Variants in ARHGAP24 observed in about 807,000 individuals in gnomAD.
ARHGAP24 encodes rho GTPase-activating protein 24.
A neutral mutation model predicts 76.4 loss-of-function variants in ARHGAP24; 50 were observed. The observed-to-expected ratio is 0.65, with a 90% confidence interval of 0.52 to 0.83. ARHGAP24 has a LOEUF of 0.83. Among genes scored for constraint, ARHGAP24 ranks in the 40% least tolerant of loss-of-function variants. The pLI is 0.00. For missense variants in ARHGAP24, 930 were observed against 914.2 expected, an observed-to-expected ratio of 1.02 and a Z score of -0.22; for synonymous variants, 345 against 323.3, an observed-to-expected ratio of 1.07 and a Z score of -0.72.
chr4:85,554,468 A>G (rs1230851757), intron 1 of ARHGAP24, among the ~76,000 whole-genome samples: 3 of 152,128 alleles, frequency 2.0e-5, no homozygotes, highest in Admixed American at 6.5e-5. Context: ...GTCTCTTTAC[A>G]TAATCCCATA....
chr4:85,813,834 A>G (rs1314300832), intron 3 of ARHGAP24, among the ~76,000 whole-genome samples: 1 of 146,024 alleles, frequency 6.8e-6, no homozygotes, highest in Admixed American at 6.9e-5. Context: ...ATATATATAT[A>G]TATATATATT....
At chr4:85,731,027 C>A (rs77084848) in intron 3 of ARHGAP24, among the ~76,000 whole-genome samples, 1 of 80,544 alleles carries the variant, frequency 1.2e-5, no homozygotes, top group Non-Finnish European at 2.4e-5. Flanking sequence ...CACACACACA[C>A]AGAGAGAGAG....
chr4:85,863,765 C>T (rs376591633), intron 3 of ARHGAP24, among the ~76,000 whole-genome samples: 4 of 152,152 alleles, frequency 2.6e-5, no homozygotes, highest in East Asian at 3.9e-4. Flanking sequence ...ATAAACCCGG[C>T]GTTTGTTGTC....
intron 2 of ARHGAP24, among the ~76,000 whole-genome samples, chr4:85,697,458 G>A (rs767836548): frequency 6.6e-6 from 1 of 152,094 alleles, no homozygotes; most frequent in Non-Finnish European, 1.5e-5. Context: ...TAACAAACCT[G>A]CACGTTGTGC....
chr4:85,978,180 T>C (rs925935745), intron 8 of ARHGAP24, among the ~76,000 whole-genome samples: 7 of 152,244 alleles, frequency 4.6e-5, no homozygotes, highest in Non-Finnish European at 1.0e-4. Context: ...TCAATTATTT[T>C]CCACAATGAA....
chr4:85,859,526 T>C (rs1354698141), intron 3 of ARHGAP24, among the ~76,000 whole-genome samples: 5 of 152,162 alleles, frequency 3.3e-5, no homozygotes, highest in African/African-American at 7.2e-5. Flanking sequence ...CAATGAACTT[T>C]GCAGACAACT....
At chr4:85,587,496 G>A (rs548792071) in intron 2 of ARHGAP24, among the ~76,000 whole-genome samples, 6 of 152,270 alleles carry the variant, frequency 3.9e-5, no homozygotes, top group African/African-American at 1.4e-4. Context: ...AATTTTATTA[G>A]TATTTTAGTT....
At chr4:85,535,560 T>C (rs1356903748) in intron 1 of ARHGAP24, among the ~76,000 whole-genome samples, 1 of 152,236 alleles carries the variant, frequency 6.6e-6, no homozygotes, top group African/African-American at 2.4e-5. Context: ...ATAAGGGATG[T>C]GATTTGGTTA....
chr4:86,000,353 C>T (rs1171167942), intron 9 of ARHGAP24, 126 bp from the exon 10 acceptor site: 9 of 789,694 alleles, frequency 1.1e-5, no homozygotes, highest in Admixed American at 6.7e-5. Flanking sequence ...GGCTTTATTC[C>T]AATTTCCTAA....
At chr4:85,639,741 T>G (rs1287360807) in intron 2 of ARHGAP24, among the ~76,000 whole-genome samples, 2 of 151,922 alleles carry the variant, frequency 1.3e-5, no homozygotes, top group Non-Finnish European at 2.9e-5. Context: ...TGCCTTTTTT[T>G]CATTAAGTAG....
At chr4:85,630,805 C>T (rs1002917928) in intron 2 of ARHGAP24, among the ~76,000 whole-genome samples, 1 of 151,746 alleles carries the variant, frequency 6.6e-6, no homozygotes, top group East Asian at 1.9e-4. Context: ...TAGAATTAAG[C>T]ATCTTTTTCT....
At chr4:85,559,276 G>A (rs1194793271) in intron 1 of ARHGAP24, among the ~76,000 whole-genome samples, 2 of 152,052 alleles carry the variant, frequency 1.3e-5, no homozygotes, top group African/African-American at 4.8e-5. Flanking sequence ...TAATAAATGA[G>A]TTCATTTTAA....
chr4:85,916,587 A>T (rs1199063355), intron 3 of ARHGAP24, among the ~76,000 whole-genome samples: 1 of 152,192 alleles, frequency 6.6e-6, no homozygotes, highest in African/African-American at 2.4e-5. Flanking sequence ...CAATTAAATG[A>T]CATAAATTTC....
At chr4:85,733,059 A>AATTTTTT (rs1560606971) in intron 3 of ARHGAP24, among the ~76,000 whole-genome samples, 1 of 35,774 alleles carries the variant, frequency 2.8e-5, no homozygotes, top group Non-Finnish European at 6.8e-5. Flanking sequence ...GGCCTCACCA[A>AATTTTTT]CTTTTTTTTT....
rs530827371 is a variant in ARHGAP24 at position 85,613,187 on chromosome 4, TAAAC to T, written c.180+42469_180+42472del. On this transcript the variant is annotated intron_variant, in intron 2 of 9. Transcript: ENST00000395184. The stretch of plus-strand genomic sequence containing the variant: ...ACAGCTTTGCATATATGTATATCCA[TAAAC>T]AACACTAAGTTTATGTTTTAAAAGT... 1.5e-4 allele frequency among the ~76,000 whole-genome samples: 23 copies of T among 152,308 alleles called. No homozygotes were observed. The South Asian group carries it at 4.8e-3, about 32-fold the overall frequency.
rs1205457070 is a variant in ARHGAP24 at position 85,995,442 on chromosome 4, C to A, written c.1788C>A (p.Pro596=). 1.1e-5 allele frequency: 18 copies of A among 1,608,882 alleles called. No individual in the cohort carries two copies. In the East Asian group the frequency reaches 4.0e-4, roughly 36 times the overall value. The part of the protein sequence containing the change: ...GNFEDPVLDG[P]PQDDLSHPRD... ...TTGAGGACCCTGTTTTGGATGGGCC[C>A]CCGCAGGACGACCTTTCCCACCCCA... is the stretch of plus-strand genomic sequence containing the variant. The change falls in exon 9 of 10, where the codon CCC becomes CCA. Residue 596 remains proline (P), a synonymous_variant. Coordinates refer to ENST00000395184, the MANE Select transcript of ARHGAP24 (RefSeq NM_001025616.3).
intron 2 of ARHGAP24, among the ~76,000 whole-genome samples, chr4:85,702,572 AAC>A (rs1283768983): frequency 2.6e-5 from 4 of 152,198 alleles, no homozygotes; most frequent in African/African-American, 9.7e-5. Context: ...ACATTATTGA[AAC>A]ACAATAAAAA....
chr4:85,946,638 A>G (rs771922794), intron 5 of ARHGAP24, among the ~76,000 whole-genome samples: 3 of 152,312 alleles, frequency 2.0e-5, no homozygotes, highest in South Asian at 2.1e-4. Flanking sequence ...AGCTGCATCT[A>G]TGTTGCAGCA....
intron 2 of ARHGAP24, among the ~76,000 whole-genome samples, chr4:85,707,349 C>T (rs1324119949): frequency 6.6e-6 from 1 of 152,064 alleles, no homozygotes; most frequent in African/African-American, 2.4e-5. Context: ...TTTTTTTTCC[C>T]TCACCAGAGA....
Sources: gnomAD v4.1 joint callset for allele counts (sites outside exome capture counted in the v4.1 genomes callset) on GRCh38, gnomAD v4.1.1 for gene constraint, MANE v1.5 for transcripts, NCBI Gene and HGNC (gene_info 2026-07-23, HGNC 2026-07-21) for gene names.